The following ITCH variants were observed in gnomAD, a reference collection of about 807,000 sequenced individuals.
ITCH encodes the protein itchy E3 ubiquitin protein ligase.
A neutral mutation model predicts 126.8 loss-of-function variants in ITCH; 28 were observed. The ratio of observed to expected loss-of-function variants is 0.22; its 90% CI spans 0.16 to 0.30. ITCH has a LOEUF of 0.30. ITCH is among the 10% of genes least tolerant of loss of function. The pLI, the probability that ITCH is intolerant of heterozygous loss-of-function variation, is 1.00. For missense variants in ITCH, 631 were observed against 1,032.4 expected, an observed-to-expected ratio of 0.61 and a Z score of 5.33; for synonymous variants, 342 against 340.0, an observed-to-expected ratio of 1.01 and a Z score of -0.06.
Position 34,438,642 on chromosome 20 carries a change from C to T in ITCH, c.679+11C>T, listed in dbSNP as rs760843431. On this transcript the variant is annotated intron_variant, in intron 8 of 24. Transcript: ENST00000374864. Reference sequence around the variant, plus strand: ...CCCCACGTAGACCAGGTTTGTATTCCAGCTCTCAATACTCTTGGAAATAAT... The same window carrying T: ...CCCCACGTAGACCAGGTTTGTATTCTAGCTCTCAATACTCTTGGAAATAAT... The T allele has an allele frequency of 9.3e-6, 15 of 1,613,444 alleles. No individual in the cohort carries two copies. The highest frequency in any genetic ancestry group is 1.2e-5 in the Non-Finnish European group (14 of 1,179,848).
intron 7 of ITCH, among the ~76,000 whole-genome samples, chr20:34,427,160 T>TA (rs1324828495): frequency 6.6e-6 from 1 of 152,256 alleles, no homozygotes; most frequent in Non-Finnish European, 1.5e-5. Flanking sequence ...TGTTGTGTCT[T>TA]ACCTAATAGG....
At chr20:34,449,990 A>G (rs1214559173) in intron 12 of ITCH, among the ~76,000 whole-genome samples, 1 of 152,176 alleles carries the variant, frequency 6.6e-6, no homozygotes, top group Non-Finnish European at 1.5e-5. Flanking sequence ...TGATGATTCC[A>G]TCATCTTGAT....
chr20:34,506,864 C>A (rs748527631), intron 24 of ITCH, among the ~76,000 whole-genome samples: 4 of 152,164 alleles, frequency 2.6e-5, no homozygotes, highest in South Asian at 2.1e-4. Context: ...AGAATAATAT[C>A]TTTAATTTTC....
At chr20:34,407,452 A>G (rs1376383054) in intron 3 of ITCH, among the ~76,000 whole-genome samples, 1 of 152,102 alleles carries the variant, frequency 6.6e-6, no homozygotes, top group Non-Finnish European at 1.5e-5. Flanking sequence ...ATTTTTTAGT[A>G]GAGACGAGGT....
chr20:34,416,984 A>G (rs1045538609), intron 6 of ITCH: 2 of 436,822 alleles, frequency 4.6e-6, no homozygotes, highest in Non-Finnish European at 8.6e-6. Flanking sequence ...ATCTCAGCTC[A>G]CTGCAACCTC....
intron 14 of ITCH, among the ~76,000 whole-genome samples, chr20:34,462,434 C>T (rs1986628176): frequency 6.6e-6 from 1 of 152,108 alleles, no homozygotes; most frequent in Non-Finnish European, 1.5e-5. Flanking sequence ...TCACACAGCA[C>T]TAAATGAAAC....
chr20:34,422,359 A>G (rs1381436167), intron 6 of ITCH, among the ~76,000 whole-genome samples: 1 of 152,198 alleles, frequency 6.6e-6, no homozygotes, highest in Admixed American at 6.5e-5. Flanking sequence ...ATAATGGTAG[A>G]CTTAAATGGA....
At chr20:34,419,915 T>C (rs1341279837) in intron 6 of ITCH, among the ~76,000 whole-genome samples, 1 of 152,176 alleles carries the variant, frequency 6.6e-6, no homozygotes, top group African/African-American at 2.4e-5. Flanking sequence ...GGACATTTGC[T>C]TAGCTTTTTT....
chr20:34,483,769 TCAGCAGCA>T (rs1988923003), intron 20 of ITCH, among the ~76,000 whole-genome samples: 1 of 152,210 alleles, frequency 6.6e-6, no homozygotes, highest in African/African-American at 2.4e-5. Flanking sequence ...TCAGTTATCT[TCAGCAGCA>T]CCCCACTCCT....
chr20:34,424,206 G>A (rs758755588), intron 6 of ITCH, among the ~76,000 whole-genome samples: 6 of 152,130 alleles, frequency 3.9e-5, no homozygotes, highest in Non-Finnish European at 8.8e-5. Flanking sequence ...TCAAAAAAAA[G>A]GCAGGAATAG....
At chr20:34,506,407 G>A (rs1326221187) in intron 24 of ITCH, among the ~76,000 whole-genome samples, 1 of 152,130 alleles carries the variant, frequency 6.6e-6, no homozygotes, top group African/African-American at 2.4e-5. Context: ...TTAAAGCAGG[G>A]GTCCCCAACT....
intron 23 of ITCH, among the ~76,000 whole-genome samples, chr20:34,499,135 C>T (rs947504717): frequency 6.6e-6 from 1 of 151,714 alleles, no homozygotes; most frequent in African/African-American, 2.4e-5. Context: ...CCACCATGCT[C>T]GGCTAATTTT....
chr20:34,474,797 AC>A (rs1350672330), intron 16 of ITCH, among the ~76,000 whole-genome samples: 3 of 141,224 alleles, frequency 2.1e-5, no homozygotes, highest in African/African-American at 5.4e-5. Flanking sequence ...GGGGGGGCTG[AC>A]CCCCCCACCT....
chr20:34,393,971 C>T, intron 3 of ITCH, 90 bp downstream of exon 3: 1 of 1,232,552 alleles, frequency 8.1e-7, no homozygotes, highest in Admixed American at 1.7e-5. Context: ...GTGGCCCATG[C>T]CTGTAATCCC....
At position 34,457,399 on chromosome 20, in the gene ITCH, C is replaced by T. The variant is rs776343448; in HGVS notation, c.1220C>T (p.Thr407Ile). 6.2e-7 allele frequency: 1 copy of T among 1,612,988 alleles called. No homozygotes were observed. The highest frequency in any genetic ancestry group is 1.1e-5 in the South Asian group (1 of 90,988). Reference protein sequence around the residue: ...GPLPPGWEKRTDSNGRVYFVN... With the variant: ...GPLPPGWEKRIDSNGRVYFVN... ...CCTGCCCTTCCCAAAGAGAAGAGAA[C>T]AGACAGCAATGGCAGAGTATATTTC... The change falls in exon 13 of 25, where the codon ACA becomes ATA. Residue 407 changes from threonine (T) to isoleucine (I), a missense_variant. Thr to Ile is a moderately conservative substitution (Grantham distance 89). Around this residue, in one of 4 missense-constraint regions of ITCH, gnomAD observed 390 missense variants for 731.6 expected, o/e 0.53. Transcript: ENST00000374864.
chr20:34,368,888 G>A (rs371669732), intron 1 of ITCH, among the ~76,000 whole-genome samples: 3 of 152,122 alleles, frequency 2.0e-5, no homozygotes, highest in African/African-American at 7.2e-5. Context: ...ACTCAGATTG[G>A]TGTCTTCCCA....
intron 2 of ITCH, among the ~76,000 whole-genome samples, chr20:34,378,372 G>T (rs2037924955): frequency 6.6e-6 from 1 of 150,414 alleles, no homozygotes; most frequent in African/African-American, 2.4e-5. Flanking sequence ...TACTCGGTGG[G>T]CTGAGGCTGG....
chr20:34,415,043 A>G (rs2146181036), intron 6 of ITCH, among the ~76,000 whole-genome samples: 1 of 152,316 alleles, frequency 6.6e-6, no homozygotes, highest in East Asian at 1.9e-4. Context: ...AGATATTTCC[A>G]TCACTTCCTA....
intron 2 of ITCH, among the ~76,000 whole-genome samples, chr20:34,391,588 T>C (rs1014342623): frequency 3.3e-5 from 5 of 152,220 alleles, no homozygotes; most frequent in African/African-American, 1.2e-4. Flanking sequence ...ATACATTATT[T>C]CTAATTTTTT....
Sources: allele counts gnomAD v4.1 joint callset (sites outside exome capture counted in the v4.1 genomes callset), GRCh38; gene constraint gnomAD v4.1.1; regional missense constraint gnomAD v4.1.1; transcripts MANE v1.5; gene names NCBI Gene and HGNC (gene_info 2026-07-23, HGNC 2026-07-21).